The following CFI variants were observed in gnomAD, a reference collection of about 807,000 sequenced individuals.
CFI encodes C3B/C4B inactivator.
In CFI, 66 loss-of-function variants were observed where a neutral mutation model predicts 78.8. That is an observed-to-expected ratio of 0.84 (90% CI 0.69 to 1.03). The LOEUF (loss-of-function observed/expected upper bound fraction) is 1.03. Among genes scored for constraint, CFI ranks in the 50% least tolerant of loss-of-function variants. The pLI is 0.00. For missense variants in CFI, 706 were observed against 704.5 expected (o/e 1.00, Z -0.02); for synonymous variants, 250 against 232.6 (o/e 1.07, Z -0.68).
intron 10 of CFI, among the ~76,000 whole-genome samples, chr4:109,748,102 T>C (rs1354615143): frequency 2.6e-5 from 4 of 152,148 alleles, no homozygotes; most frequent in Non-Finnish European, 5.9e-5. Context: ...AATTTATCTT[T>C]ACATAAGGGT....
chr4:109,790,122 TATC>T (rs1412168229), intron 1 of CFI, among the ~76,000 whole-genome samples: 2 of 152,008 alleles, frequency 1.3e-5, no homozygotes, highest in Non-Finnish European at 2.9e-5. Context: ...AGCATTCTCT[TATC>T]ATTCTTATTT....
At chr4:109,766,936 A>G in intron 1 of CFI, 112 bp from the exon 2 acceptor site, 1 of 1,062,466 alleles carries the variant, frequency 9.4e-7, no homozygotes, top group Non-Finnish European at 1.4e-6. Flanking sequence ...ACAGATGAGG[A>G]TGGTGTTGTC....
chr4:109,743,945 A>G (rs1048027713), intron 11 of CFI, among the ~76,000 whole-genome samples: 1 of 152,146 alleles, frequency 6.6e-6, no homozygotes, highest in Non-Finnish European at 1.5e-5. Flanking sequence ...GGTTTGTGCC[A>G]CTGCAGTTTA....
chr4:109,761,779 A>G, intron 3 of CFI, 87 bp from the exon 4 acceptor site: 1 of 1,100,838 alleles, frequency 9.1e-7, no homozygotes, highest in Non-Finnish European at 1.4e-6. Context: ...AAACTAGAGT[A>G]ATGTCCTCTC....
chr4:109,748,148 GA>G (rs1321542765), intron 10 of CFI, among the ~76,000 whole-genome samples: 3 of 152,174 alleles, frequency 2.0e-5, no homozygotes, highest in African/African-American at 4.8e-5. Flanking sequence ...GGTGTCCTAG[GA>G]AATAATGAGA....
intron 1 of CFI, among the ~76,000 whole-genome samples, chr4:109,767,327 C>T (rs1018354791): frequency 1.3e-5 from 2 of 151,994 alleles, no homozygotes; most frequent in African/African-American, 4.8e-5. Flanking sequence ...AAGAAACCAC[C>T]ATCAGAGTGA....
intron 1 of CFI, chr4:109,793,750 C>T (rs1731672692): frequency 6.6e-6 from 1 of 152,316 alleles, no homozygotes; most frequent in Non-Finnish European, 1.5e-5. Flanking sequence ...GTCTTGAACT[C>T]CTGGGCTTAA....
intron 1 of CFI, among the ~76,000 whole-genome samples, chr4:109,789,650 G>A (rs1289107223): frequency 1.3e-5 from 2 of 152,026 alleles, no homozygotes; most frequent in Non-Finnish European, 2.9e-5. Flanking sequence ...CATACCTGCA[G>A]TACAAGAAAA....
rs1467512426 is a variant in CFI, at chr4:109,764,556, G to A, written c.463C>T (p.Leu155Phe). ...WSMREANVAC[L>F]DLGFQQGADT... Reference sequence around the variant, plus strand: ...GCTCACTGTTGAAACCCAAGGTCAAGGCAGGCCACGTTGGCTTCCCTCATG... The same window carrying A: ...GCTCACTGTTGAAACCCAAGGTCAAAGCAGGCCACGTTGGCTTCCCTCATG... The change falls in exon 3 of 13, where the codon CTT becomes TTT. Residue 155 changes from leucine (L) to phenylalanine (F), a missense_variant. Transcript: ENST00000394634. 6.2e-7 allele frequency: 1 copy of A among 1,614,102 alleles called. No homozygotes were observed. The highest frequency in any genetic ancestry group is 8.5e-7 in the Non-Finnish European group (1 of 1,180,016).
downstream of CFI, among the ~76,000 whole-genome samples, chr4:109,737,163 C>T (rs116649698): frequency 7.1e-3 from 1,077 of 152,252 alleles, 12 homozygotes; most frequent in African/African-American, 0.024. Flanking sequence ...AATACATCTT[C>T]CTTGCTGTCT....
At chr4:109,768,374 C>T (rs148191529) in intron 1 of CFI, among the ~76,000 whole-genome samples, 1 of 136,308 alleles carries the variant, frequency 7.3e-6, no homozygotes, top group African/African-American at 2.7e-5. Flanking sequence ...ATCAGACAAA[C>T]CTGGCTTCTA....
rs763900170 is a variant in CFI, at chr4:109,740,703, A to G, written c.*190T>C. On this transcript the variant is annotated 3_prime_UTR_variant, in exon 13 of 13. Coordinates refer to ENST00000394634, the MANE Select transcript of CFI (RefSeq NM_000204.5). The stretch of plus-strand genomic sequence containing the variant: ...CTGATAAATAAAACTTGTATGCTTC[A>G]CCAAAATATTTATTTGAGAATTATA... 4 of 667,578 alleles carry G rather than the reference A, an allele frequency of 6.0e-6. No homozygotes were observed. 41.4% of individuals were successfully genotyped at this position (667,578 alleles called of 1,614,324 possible). A position where few individuals can be genotyped will look rare whatever the true frequency, so the allele number is the denominator to read the frequency against.
intron 7 of CFI, among the ~76,000 whole-genome samples, chr4:109,756,341 A>T (rs1222812184): frequency 6.6e-6 from 1 of 151,130 alleles, no homozygotes; most frequent in African/African-American, 2.4e-5. Flanking sequence ...GGAAAAAAGG[A>T]ATAGAGAAGA....
At chr4:109,793,032 G>A (rs1249266062) in intron 1 of CFI, among the ~76,000 whole-genome samples, 1 of 151,582 alleles carries the variant, frequency 6.6e-6, no homozygotes, top group African/African-American at 2.4e-5. Flanking sequence ...TACCTTTTTT[G>A]TTTCTCATTT....
chr4:109,754,046 C>T (rs1044455281), intron 7 of CFI, among the ~76,000 whole-genome samples: 20 of 150,936 alleles, frequency 1.3e-4, no homozygotes, highest in African/African-American at 3.2e-4. Flanking sequence ...TGCGGTGGCA[C>T]GATCTCGGCT....
chr4:109,784,408 A>G (rs2125852259), intron 1 of CFI, among the ~76,000 whole-genome samples: 1 of 152,150 alleles, frequency 6.6e-6, no homozygotes, highest in Admixed American at 6.6e-5. Context: ...TATAGGGTTA[A>G]AGGAGAGTTT....
At chr4:109,732,821 C>G in the CFI span, among the ~76,000 whole-genome samples, 1 of 147,750 alleles carries the variant, frequency 6.8e-6, no homozygotes, top group Non-Finnish European at 1.5e-5. Flanking sequence ...CGTGCCACTG[C>G]ACTCCAGCCG....
intron 1 of CFI, among the ~76,000 whole-genome samples, chr4:109,784,817 CA>C (rs1259010949): frequency 3.3e-5 from 5 of 152,040 alleles, no homozygotes; most frequent in African/African-American, 1.2e-4. Context: ...TATCTTTTGT[CA>C]GGCCTCTGAG....
chr4:109,762,882 C>T lies in CFI; in HGVS notation c.483-1190G>A, dbSNP rs1016230785. Among the ~76,000 whole-genome samples the T allele has an allele frequency of 3.9e-5, 6 of 152,138 alleles. No homozygotes were observed. The East Asian group carries it at 1.2e-3, about 29-fold the overall frequency. On this transcript the variant is annotated intron_variant, in intron 3 of 12. Transcript: ENST00000394634. The stretch of plus-strand genomic sequence containing the variant: ...AAAATTAGAGATGTCTGTTCATGAG[C>T]TTATGCAAAATATAAGAGCAAAATA...
Sources: allele counts gnomAD v4.1 joint callset (sites outside exome capture counted in the v4.1 genomes callset), GRCh38; gene constraint gnomAD v4.1.1; transcripts MANE v1.5; gene names NCBI Gene and HGNC (gene_info 2026-07-23, HGNC 2026-07-21).